Variants in BCAR3 observed in about 807,000 individuals in gnomAD.
BCAR3 encodes breast cancer anti-estrogen resistance protein 3.
In BCAR3, 37 loss-of-function variants were observed where a neutral mutation model predicts 80.1. The observed-to-expected ratio is 0.46, with a 90% CI of 0.36 to 0.61. BCAR3 has a LOEUF of 0.61. Ranked by LOEUF, BCAR3 falls within the 20% of genes least tolerant of loss-of-function variation. The probability of loss-of-function intolerance (pLI) is 0.00; values close to 1 mark genes in which losing one functional copy is unlikely to be tolerated. For synonymous variants in BCAR3, 389 were observed against 418.9 expected (o/e 0.93, Z 0.87); for missense variants, 978 against 1,068.2 (o/e 0.92, Z 1.18).
At chr1:93,713,490 A>G (rs781544275) in intron 2 of BCAR3, among the ~76,000 whole-genome samples, 4 of 152,190 alleles carry the variant, frequency 2.6e-5, no homozygotes, top group Non-Finnish European at 5.9e-5. Flanking sequence ...GAGGCTCTTC[A>G]GAGAGGCAGC....
intron 2 of BCAR3, among the ~76,000 whole-genome samples, chr1:93,661,989 G>T (rs545111156): frequency 2.0e-5 from 3 of 152,258 alleles, no homozygotes; most frequent in African/African-American, 7.2e-5. Context: ...CTGCACCCAG[G>T]GTTAACACGT....
intron 2 of BCAR3, among the ~76,000 whole-genome samples, chr1:93,767,436 A>T (rs1652193615): frequency 6.6e-6 from 1 of 151,716 alleles, no homozygotes; most frequent in Non-Finnish European, 1.5e-5. Context: ...AGGTGGGAGG[A>T]TCACTTGAGC....
intron 3 of BCAR3, among the ~76,000 whole-genome samples, chr1:93,695,195 C>G (rs1218250737): frequency 1.3e-5 from 2 of 152,202 alleles, no homozygotes; most frequent in Admixed American, 1.3e-4. Context: ...TGTTGTCAGT[C>G]TGGACCCATA....
intron 3 of BCAR3, among the ~76,000 whole-genome samples, chr1:93,606,046 C>A (rs1257155353): frequency 6.6e-6 from 1 of 152,196 alleles, no homozygotes; most frequent in Non-Finnish European, 1.5e-5. Context: ...GCTAAGTACG[C>A]AGCAGGCTTG....
At chr1:93,730,515 CTG>C (rs1473637622) in intron 2 of BCAR3, among the ~76,000 whole-genome samples, 5 of 152,188 alleles carry the variant, frequency 3.3e-5, no homozygotes, top group African/African-American at 7.2e-5. Flanking sequence ...TTGAATGACT[CTG>C]TGATTTTACA....
At chr1:93,821,366 A>G (rs868850322) in intron 2 of BCAR3, among the ~76,000 whole-genome samples, 2 of 152,324 alleles carry the variant, frequency 1.3e-5, no homozygotes, top group Middle Eastern at 3.4e-3. Context: ...GAGCTCTGTG[A>G]AACTGTGGGT....
chr1:93,713,053 C>T (rs188126774), intron 2 of BCAR3, among the ~76,000 whole-genome samples: 2 of 152,318 alleles, frequency 1.3e-5, no homozygotes, highest in Non-Finnish European at 2.9e-5. Context: ...AGAATGTTCT[C>T]TGCACTGTCC....
rs1309137196 is a variant in BCAR3 at position 93,735,945 on chromosome 1, G to A, written c.-62-29803C>T. Among the ~76,000 whole-genome samples, 5 of 152,166 alleles carry A rather than the reference G, an allele frequency of 3.3e-5. 1 individual carries two copies. The highest frequency in any genetic ancestry group is 7.3e-5 in the Non-Finnish European group (5 of 68,030). On this transcript the variant is annotated intron_variant, in intron 2 of 13. Coordinates refer to the BCAR3 transcript ENST00000370244. ...TGAGGGTTGTATCTATGAGTGGGTGGTAAGCCCTAGTTCCTAAATAAGGTA... is the reference window on the plus strand; with the variant it reads ...TGAGGGTTGTATCTATGAGTGGGTGATAAGCCCTAGTTCCTAAATAAGGTA...
chr1:93,655,102 AG>A (rs1298689222), intron 2 of BCAR3, among the ~76,000 whole-genome samples: 3 of 152,218 alleles, frequency 2.0e-5, no homozygotes, highest in Admixed American at 6.5e-5. Flanking sequence ...GGGCAGCAGC[AG>A]GAACAGTAAG....
chr1:93,722,861 G>C (rs893895790), intron 2 of BCAR3, among the ~76,000 whole-genome samples: 8 of 152,150 alleles, frequency 5.3e-5, no homozygotes, highest in Non-Finnish European at 8.8e-5. Context: ...TCACACACAA[G>C]AGCGACAGGA....
At chr1:93,847,922 C>T (rs928017142), upstream of BCAR3, 2 of 244,040 alleles carry the variant, frequency 8.2e-6, no homozygotes, top group South Asian at 4.3e-5. Context: ...GCGGCGGCGG[C>T]GAAGGAAAAG....
chr1:93,629,969 A>T (rs759756300), intron 3 of BCAR3, among the ~76,000 whole-genome samples: 1 of 152,242 alleles, frequency 6.6e-6, no homozygotes, highest in Non-Finnish European at 1.5e-5. Context: ...ATTTCTGGAA[A>T]AATTTTAGAG....
intron 3 of BCAR3, among the ~76,000 whole-genome samples, chr1:93,630,408 G>C (rs975068671): frequency 7.3e-5 from 11 of 151,640 alleles, no homozygotes; most frequent in African/African-American, 2.7e-4. Flanking sequence ...CGAATCACTT[G>C]AGCTCACAAG....
chr1:93,777,357 CTCCTCT>C (rs528485323), intron 2 of BCAR3, among the ~76,000 whole-genome samples: 6 of 122,972 alleles, frequency 4.9e-5, no homozygotes, highest in African/African-American at 1.9e-4. Context: ...TTTCTTCTTC[CTCCTCT>C]TCTTCTTCTT....
chr1:93,736,647 G>C (rs905604016), intron 2 of BCAR3, among the ~76,000 whole-genome samples: 34 of 152,200 alleles, frequency 2.2e-4, no homozygotes, highest in African/African-American at 7.7e-4. Flanking sequence ...TGGGGGAATG[G>C]ACAAGAAGAC....
At chr1:93,671,880 AT>A (rs557171873) in intron 2 of BCAR3, among the ~76,000 whole-genome samples, 321 of 149,900 alleles carry the variant, frequency 2.1e-3, no homozygotes, top group African/African-American at 6.3e-3. Flanking sequence ...ACCTCAGGAG[AT>A]TTTTTTTTTA....
intron 3 of BCAR3, among the ~76,000 whole-genome samples, chr1:93,626,016 A>G (rs1570982706): frequency 6.6e-6 from 1 of 152,322 alleles, no homozygotes; most frequent in Non-Finnish European, 1.5e-5. Context: ...CAGAGTTTTA[A>G]TATAAAGCAA....
At chr1:93,839,491 T>C (rs976299371) in intron 2 of BCAR3, among the ~76,000 whole-genome samples, 5 of 152,150 alleles carry the variant, frequency 3.3e-5, no homozygotes, top group Non-Finnish European at 2.9e-5. Flanking sequence ...AGGATTTTCT[T>C]TATCAATCAG....
At chr1:93,603,734 C>T (rs138912823) in intron 3 of BCAR3, among the ~76,000 whole-genome samples, 87 of 152,330 alleles carry the variant, frequency 5.7e-4, no homozygotes, top group Admixed American at 4.4e-3. Context: ...GCATGCCTGC[C>T]GTGCTACTCT....
Sources: allele counts gnomAD v4.1 joint callset (sites outside exome capture counted in the v4.1 genomes callset), GRCh38; gene constraint gnomAD v4.1.1; transcripts MANE v1.5; gene names NCBI Gene and HGNC (gene_info 2026-07-23, HGNC 2026-07-21).